The following SLC16A7 variants were observed in gnomAD, a reference collection of about 807,000 sequenced individuals.
The protein encoded by SLC16A7 is solute carrier family 16 member 7, also known as monocarboxylate transporter 2.
A neutral mutation model predicts 34.9 loss-of-function variants in SLC16A7; 33 were observed. The ratio of observed to expected loss-of-function variants is 0.94; its 90% CI spans 0.72 to 1.26. The LOEUF (loss-of-function observed/expected upper bound fraction) is 1.26, where lower values mean the gene tolerates loss of function less well. SLC16A7 is among the 50% of genes most tolerant of loss of function. SLC16A7 has a pLI of 0.00. For missense variants in SLC16A7, 573 were observed against 578.1 expected, an observed-to-expected ratio of 0.99 and a Z score of 0.09; for synonymous variants, 201 against 206.6, an observed-to-expected ratio of 0.97 and a Z score of 0.23.
intron 2 of SLC16A7, among the ~76,000 whole-genome samples, chr12:59,699,923 C>G (rs1203509197): frequency 6.6e-6 from 1 of 151,698 alleles, no homozygotes; most frequent in Non-Finnish European, 1.5e-5. Context: ...TAGTCTAATA[C>G]CATGTTTTTC....
chr12:59,772,752 T>C (rs1461405917), intron 4 of SLC16A7, among the ~76,000 whole-genome samples: 1 of 152,098 alleles, frequency 6.6e-6, no homozygotes, highest in East Asian at 1.9e-4. Flanking sequence ...ATGTAAAAAA[T>C]GAATACGTAG....
chr12:59,677,419 TA>T (rs1423727982), intron 2 of SLC16A7, among the ~76,000 whole-genome samples: 1 of 152,240 alleles, frequency 6.6e-6, no homozygotes, highest in East Asian at 1.9e-4. Context: ...TATTCCAAAC[TA>T]AACATGTTAT....
chr12:59,629,616 C>T (rs1034751118), intron 1 of SLC16A7, among the ~76,000 whole-genome samples: 1 of 151,902 alleles, frequency 6.6e-6, no homozygotes, highest in African/African-American at 2.4e-5. Context: ...CTATAAAAGC[C>T]TTCCACTATA....
intron 1 of SLC16A7, among the ~76,000 whole-genome samples, chr12:59,654,803 G>T (rs891227144): frequency 6.6e-6 from 1 of 151,732 alleles, no homozygotes; most frequent in Non-Finnish European, 1.5e-5. Flanking sequence ...AAAGATGGTG[G>T]ACTGAAATGA....
chr12:59,717,795 T>A (rs1875095303), intron 3 of SLC16A7, among the ~76,000 whole-genome samples: 1 of 152,228 alleles, frequency 6.6e-6, no homozygotes, highest in Non-Finnish European at 1.5e-5. Context: ...AAGTTTATAT[T>A]TGTAATCTCT....
In SLC16A7 at chr12:59,694,336, C is replaced by G. The variant is rs967153969; in HGVS notation, c.-30-10436C>G. Among the ~76,000 whole-genome samples the G allele has an allele frequency of 2.6e-5, 4 of 151,952 alleles. No individual in the cohort carries two copies. In the East Asian group the frequency reaches 7.8e-4, roughly 29 times the overall value. On this transcript the variant is annotated intron_variant, in intron 2 of 5. Coordinates refer to ENST00000547379, the MANE Select transcript of SLC16A7 (RefSeq NM_001270623.2). ...CAGACACACAAACTCTAAAACACTA[C>G]CTTTTTAAAAAAACTTTTAAACCAC...
intron 2 of SLC16A7, among the ~76,000 whole-genome samples, chr12:59,686,028 T>C (rs1283870120): frequency 1.3e-5 from 2 of 151,836 alleles, no homozygotes. Flanking sequence ...TATTTAATTG[T>C]TAAGCACAGG....
At chr12:59,711,256 G>C (rs1348189118) in intron 3 of SLC16A7, among the ~76,000 whole-genome samples, 1 of 152,144 alleles carries the variant, frequency 6.6e-6, no homozygotes, top group Non-Finnish European at 1.5e-5. Context: ...GGATTCTGAA[G>C]AGACAAAGTA....
chr12:59,627,181 C>T (rs1879966152), intron 1 of SLC16A7, among the ~76,000 whole-genome samples: 2 of 151,716 alleles, frequency 1.3e-5, no homozygotes, highest in African/African-American at 2.4e-5. Context: ...GACCTGGAAC[C>T]CAAGAGAGTT....
chr12:59,774,598 CT>C (rs1882547701), intron 4 of SLC16A7, 58 bp from the exon 5 acceptor site: 4 of 1,076,532 alleles, frequency 3.7e-6, no homozygotes, highest in Non-Finnish European at 5.4e-6. Flanking sequence ...GGAGTAATTT[CT>C]TTTGTGAGTG....
chr12:59,786,836 T>C lies in SLC16A7; in HGVS notation c.*7157T>C, dbSNP rs182102193. 3 of 152,280 alleles carry C rather than the reference T, an allele frequency of 2.0e-5. No homozygotes were observed. The highest frequency in any genetic ancestry group is 6.5e-5 in the Admixed American group (1 of 15,284). The allele number at this position is 152,280 out of a possible 1,614,324, so 9.4% of individuals were successfully genotyped here. ...CACTACAGAAGCCGTAAGGTCATAATGATGATCTTTGTAGAGTAAATAAAA... is the reference window on the plus strand; with the variant it reads ...CACTACAGAAGCCGTAAGGTCATAACGATGATCTTTGTAGAGTAAATAAAA... On this transcript the variant is annotated 3_prime_UTR_variant, in exon 6 of 6. Transcript: ENST00000547379.
At chr12:59,625,036 G>A (rs1565622459) in intron 1 of SLC16A7, among the ~76,000 whole-genome samples, 1 of 151,570 alleles carries the variant, frequency 6.6e-6, no homozygotes, top group African/African-American at 2.4e-5. Flanking sequence ...TTATTCTCTG[G>A]ATATATTGTA....
Position 59,783,157 on chromosome 12 carries a change from A to G in SLC16A7, c.*3478A>G, listed in dbSNP as rs1368955408. On this transcript the variant is annotated 3_prime_UTR_variant, in exon 6 of 6. Coordinates refer to ENST00000547379, the MANE Select transcript of SLC16A7 (RefSeq NM_001270623.2). Reference sequence around the variant, plus strand: ...GGTTGAAACATTTTTTATCTAAAACACCTTTAAAAAATCCCTTTCATATGT... The same window carrying G: ...GGTTGAAACATTTTTTATCTAAAACGCCTTTAAAAAATCCCTTTCATATGT... The G allele has an allele frequency of 6.6e-6, 1 of 152,170 alleles. No individual in the cohort carries two copies. The highest frequency in any genetic ancestry group is 1.5e-5 in the Non-Finnish European group (1 of 68,028). The allele number at this position is 152,170 out of a possible 1,614,324, so 9.4% of individuals were successfully genotyped here. A position where few individuals can be genotyped will look rare whatever the true frequency, so the allele number is the denominator to read the frequency against.
At chr12:59,674,194 T>C in intron 2 of SLC16A7, among the ~76,000 whole-genome samples, 1 of 152,332 alleles carries the variant, frequency 6.6e-6, no homozygotes, top group East Asian at 1.9e-4. Context: ...AATTTTCCAT[T>C]TTTAAGGATT....
intron 4 of SLC16A7, among the ~76,000 whole-genome samples, chr12:59,772,559 G>T (rs1170346926): frequency 3.3e-5 from 5 of 152,092 alleles, no homozygotes; most frequent in African/African-American, 1.2e-4. Flanking sequence ...GTCCATCTAT[G>T]AGGGATTTAC....
At chr12:59,757,163 G>A (rs1390880027) in intron 3 of SLC16A7, among the ~76,000 whole-genome samples, 2 of 150,644 alleles carry the variant, frequency 1.3e-5, no homozygotes, top group African/African-American at 2.5e-5. Flanking sequence ...TCTAAATGAC[G>A]AGTTAATGGG....
intron 3 of SLC16A7, among the ~76,000 whole-genome samples, chr12:59,744,336 T>C (rs1878656011): frequency 1.3e-5 from 2 of 151,930 alleles, no homozygotes; most frequent in Non-Finnish European, 2.9e-5. Context: ...GAGATTATGG[T>C]TGGACGTCAG....
chr12:59,706,572 A>G (rs1410397895), intron 3 of SLC16A7, among the ~76,000 whole-genome samples: 1 of 152,114 alleles, frequency 6.6e-6, no homozygotes, highest in Non-Finnish European at 1.5e-5. Flanking sequence ...CACACATTCT[A>G]TGAATCTCCT....
At chr12:59,719,850 C>T in intron 3 of SLC16A7, 1 of 444,872 alleles carries the variant, frequency 2.2e-6, no homozygotes, top group Non-Finnish European at 3.9e-6. Flanking sequence ...AATAAAAGCT[C>T]CATGGCCTCC....
Sources: gnomAD v4.1 joint callset for allele counts (sites outside exome capture counted in the v4.1 genomes callset) on GRCh38, gnomAD v4.1.1 for gene constraint, MANE v1.5 for transcripts, NCBI Gene and HGNC (gene_info 2026-07-23, HGNC 2026-07-21) for gene names.